The following OR56A3 variants were observed in gnomAD, a reference collection of about 807,000 sequenced individuals.
OR56A3 encodes olfactory receptor 56A3.
OR56A3 carries 23 observed loss-of-function variants against 17.5 expected under a neutral mutation model. That is an observed-to-expected ratio of 1.32 (90% CI 0.95 to 1.87). OR56A3 has a LOEUF of 1.87. Ranked by LOEUF, OR56A3 falls within the 40% of genes most tolerant of loss-of-function variation. The pLI is 0.00. For missense variants in OR56A3, 366 were observed against 380.1 expected (o/e 0.96, Z 0.31); for synonymous variants, 175 against 150.6 (o/e 1.16, Z -1.19).
At chr11:5,995,151 GA>G in the OR56A3 span, among the ~76,000 whole-genome samples, 1 of 152,214 alleles carries the variant, frequency 6.6e-6, no homozygotes, top group South Asian at 2.1e-4. Flanking sequence ...AGTGAGTGGT[GA>G]AACTCCTGCT....
downstream of OR56A3, among the ~76,000 whole-genome samples, chr11:5,954,695 A>G (rs987169327): frequency 2.0e-5 from 3 of 152,198 alleles, no homozygotes; most frequent in Admixed American, 2.0e-4. Context: ...ACTGGTACCA[A>G]ATTTTCACTT....
the OR56A3 span, among the ~76,000 whole-genome samples, chr11:5,991,008 A>G: frequency 1.3e-5 from 2 of 152,208 alleles, no homozygotes; most frequent in African/African-American, 2.4e-5. Context: ...TTCAATCTCC[A>G]TGATGAAATT....
At chr11:5,985,295 A>G in the OR56A3 span, among the ~76,000 whole-genome samples, 7 of 152,234 alleles carry the variant, frequency 4.6e-5, no homozygotes, top group African/African-American at 1.4e-4. Context: ...TTGAAAATAC[A>G]AAGAGATATC....
At chr11:5,958,982 AGTATTTCATTAAATATAC>A in the OR56A3 span, among the ~76,000 whole-genome samples, 1 of 152,220 alleles carries the variant, frequency 6.6e-6, no homozygotes, top group Non-Finnish European at 1.5e-5. Flanking sequence ...GTGGCTGAAT[AGTATTTCATTAAATATAC>A]ATACCACATT....
chr11:5,947,910 T>C lies in OR56A3; in HGVS notation c.564T>C (p.Val188=). ...IENCICANMS[V]SRLSCDDVTI... ...ACTGCATCTGTGCCAATATGTCTGT[T>C]TCCAGACTCTCCTGCGATGATGTCA... Residue 188 remains valine, a synonymous_variant, in exon 3 of 3, where the codon GTT becomes GTC. Coordinates refer to ENST00000641160, the MANE Select transcript of OR56A3 (RefSeq NM_001003443.3). 1 of 1,614,212 alleles carries C rather than the reference T, an allele frequency of 6.2e-7. No homozygotes were observed. Among genetic ancestry groups the C allele is most frequent in the Admixed American group, 1.7e-5 (1 of 60,026 alleles).
downstream of OR56A3, among the ~76,000 whole-genome samples, chr11:5,955,521 G>A (rs895838971): frequency 2.6e-5 from 4 of 152,108 alleles, no homozygotes; most frequent in African/African-American, 7.2e-5. Context: ...TTTAGAGCAG[G>A]AATGAAAGGA....
the OR56A3 span, among the ~76,000 whole-genome samples, chr11:5,997,021 C>A: frequency 4.6e-5 from 7 of 152,292 alleles, no homozygotes; most frequent in South Asian, 1.5e-3. Context: ...GCTTCCATGG[C>A]AATCTTCTCT....
At chr11:5,967,651 G>T in the OR56A3 span, 43 of 1,613,896 alleles carry the variant, frequency 2.7e-5, no homozygotes, top group Non-Finnish European at 3.5e-5. Flanking sequence ...AGGTGGTGCA[G>T]GATGTTGAGC....
the OR56A3 span, among the ~76,000 whole-genome samples, chr11:5,989,243 C>A: frequency 6.6e-6 from 1 of 152,118 alleles, no homozygotes; most frequent in East Asian, 1.9e-4. Flanking sequence ...TGCCTACCTC[C>A]TTCTGTTGCA....
At chr11:6,013,799 G>A in the OR56A3 span, among the ~76,000 whole-genome samples, 2 of 152,134 alleles carry the variant, frequency 1.3e-5, no homozygotes, top group Non-Finnish European at 1.5e-5. Flanking sequence ...AGCATTGTCT[G>A]CCACCACCGG....
chr11:5,946,299 C>T (rs1847869075), intron 2 of OR56A3, among the ~76,000 whole-genome samples: 1 of 152,208 alleles, frequency 6.6e-6, no homozygotes, highest in African/African-American at 2.4e-5. Flanking sequence ...TCGTTACACC[C>T]ATCATCTCCC....
chr11:5,973,010 T>C, the OR56A3 span, among the ~76,000 whole-genome samples: 2 of 152,220 alleles, frequency 1.3e-5, no homozygotes, highest in Non-Finnish European at 2.9e-5. Context: ...AGATGTTATA[T>C]TGACAGATTT....
At chr11:5,954,952 C>T (rs1847925167), downstream of OR56A3, among the ~76,000 whole-genome samples, 1 of 152,146 alleles carries the variant, frequency 6.6e-6, no homozygotes, top group Non-Finnish European at 1.5e-5. Flanking sequence ...CAAAAAAGGA[C>T]TCCAAAGATA....
the OR56A3 span, chr11:5,987,057 G>T: frequency 1.2e-6 from 1 of 818,268 alleles, no homozygotes. Context: ...AATCTCCTTT[G>T]GTGGAGATAA....
the OR56A3 span, among the ~76,000 whole-genome samples, chr11:5,976,895 G>T: frequency 3.9e-5 from 6 of 152,090 alleles, 1 homozygote; most frequent in South Asian, 1.2e-3. Context: ...GTAGGCCCCA[G>T]CGTCTATTGT....
chr11:6,016,336 T>A, the OR56A3 span, among the ~76,000 whole-genome samples: 7 of 152,154 alleles, frequency 4.6e-5, no homozygotes, highest in Admixed American at 2.0e-4. Flanking sequence ...ATGTCTTTTT[T>A]AAATAAATTA....
At chr11:6,002,120 G>A in the OR56A3 span, 2 of 1,613,802 alleles carry the variant, frequency 1.2e-6, no homozygotes, top group South Asian at 1.1e-5. Flanking sequence ...AAACAATGGG[G>A]TTCAGAGCTG....
chr11:6,002,829 T>G, the OR56A3 span: 161 of 1,613,646 alleles, frequency 1.0e-4, 1 homozygote, highest in Non-Finnish European at 1.3e-4. Flanking sequence ...CAGAGAGGCC[T>G]CCAGCTGGAT....
chr11:6,004,691 A>T, the OR56A3 span, among the ~76,000 whole-genome samples: 1 of 152,216 alleles, frequency 6.6e-6, no homozygotes, highest in Non-Finnish European at 1.5e-5. Context: ...CCTGCATTTC[A>T]ATATCTGATT....
Sources: allele counts gnomAD v4.1 joint callset (sites outside exome capture counted in the v4.1 genomes callset), GRCh38; gene constraint gnomAD v4.1.1; transcripts MANE v1.5; gene names NCBI Gene and HGNC (gene_info 2026-07-23, HGNC 2026-07-21).